Variants in RGS6 observed in about 807,000 individuals in gnomAD.
RGS6 encodes regulator of G protein signaling 6.
Under a neutral mutation model 78.5 loss-of-function variants are expected in RGS6, and 30 were observed. The observed-to-expected ratio is 0.38, with a 90% CI of 0.29 to 0.52. The LOEUF is 0.52. Ranked by LOEUF, RGS6 falls within the 20% of genes least tolerant of loss-of-function variation. The pLI is 0.85. For synonymous variants in RGS6, 206 were observed against 206.0 expected, an observed-to-expected ratio of 1.00 and a Z score of 0.00; for missense variants, 495 against 609.7, an observed-to-expected ratio of 0.81 and a Z score of 1.98.
the RGS6 span, among the ~76,000 whole-genome samples, chr14:72,580,922 A>T: frequency 6.6e-6 from 1 of 152,320 alleles, no homozygotes; most frequent in Non-Finnish European, 1.5e-5. Flanking sequence ...CCACCTTCTC[A>T]TATTGAGTCA....
chr14:72,383,197 T>TGTAC (rs2086734436), intron 3 of RGS6, among the ~76,000 whole-genome samples: 2 of 115,796 alleles, frequency 1.7e-5, no homozygotes, highest in Non-Finnish European at 3.5e-5. Flanking sequence ...TATATATATA[T>TGTAC]ATATATATAT....
chr14:71,961,352 G>A (rs181539543), intron 1 of RGS6, among the ~76,000 whole-genome samples: 4 of 152,270 alleles, frequency 2.6e-5, no homozygotes, highest in Admixed American at 2.0e-4. Flanking sequence ...TATAGCCAAT[G>A]CCCAACTGAG....
chr14:72,122,997 C>T (rs2096092411), intron 2 of RGS6, among the ~76,000 whole-genome samples: 1 of 152,162 alleles, frequency 6.6e-6, no homozygotes, highest in Admixed American at 6.6e-5. Context: ...GACAGAGTCT[C>T]ACTCTACCAC....
chr14:72,544,494 G>C (rs1436164991), intron 17 of RGS6, among the ~76,000 whole-genome samples: 1 of 152,172 alleles, frequency 6.6e-6, no homozygotes, highest in African/African-American at 2.4e-5. Flanking sequence ...GCAAGCACTG[G>C]AGGCCACGGA....
At chr14:72,594,358 C>T in the RGS6 span, 2 of 152,282 alleles carry the variant, frequency 1.3e-5, no homozygotes, top group African/African-American at 2.4e-5. Flanking sequence ...TTCCTTTAGT[C>T]GTAGACTGCA....
intron 2 of RGS6, among the ~76,000 whole-genome samples, chr14:72,280,811 A>T (rs1344984402): frequency 6.6e-6 from 1 of 152,218 alleles, no homozygotes; most frequent in Non-Finnish European, 1.5e-5. Flanking sequence ...GTTAAAGGTG[A>T]GACTGAGTCC....
At chr14:72,197,887 G>C (rs1411656064) in intron 2 of RGS6, among the ~76,000 whole-genome samples, 1 of 152,058 alleles carries the variant, frequency 6.6e-6, no homozygotes, top group Non-Finnish European at 1.5e-5. Flanking sequence ...GTCCAGGTTA[G>C]ATGCTAACCA....
intron 10 of RGS6, among the ~76,000 whole-genome samples, 174 bp from the exon 11 acceptor site, chr14:72,476,568 G>T (rs1181847764): frequency 6.6e-6 from 1 of 152,244 alleles, no homozygotes; most frequent in African/African-American, 2.4e-5. Flanking sequence ...CCAAAGATGA[G>T]ATGACATGCC....
intron 3 of RGS6, among the ~76,000 whole-genome samples, chr14:72,377,467 C>T (rs34062036): frequency 6.6e-6 from 1 of 151,910 alleles, no homozygotes; most frequent in Admixed American, 6.6e-5. Context: ...TAACACCCCA[C>T]TCTCAGCCTT....
At chr14:72,540,230 C>T (rs764387842) in intron 17 of RGS6, 136 bp downstream of exon 17, 3 of 1,535,870 alleles carry the variant, frequency 2.0e-6, no homozygotes, top group Non-Finnish European at 2.6e-6. Context: ...TCCCTCGACT[C>T]AGCCCTTTTC....
At chr14:72,604,158 C>T in the RGS6 span, among the ~76,000 whole-genome samples, 2 of 152,152 alleles carry the variant, frequency 1.3e-5, no homozygotes, top group Non-Finnish European at 2.9e-5. Flanking sequence ...AAATGGCCCT[C>T]TGTGTGTCAT....
At chr14:71,965,731 AT>A (rs1211419337) in intron 2 of RGS6, among the ~76,000 whole-genome samples, 1 of 152,184 alleles carries the variant, frequency 6.6e-6, no homozygotes, top group Non-Finnish European at 1.5e-5. Context: ...TGCTGAATGG[AT>A]TGTTATCAAG....
chr14:72,599,417 T>TTG, the RGS6 span, among the ~76,000 whole-genome samples: 2 of 127,660 alleles, frequency 1.6e-5, no homozygotes, highest in Middle Eastern at 3.4e-3. Flanking sequence ...TTTTTTTTTT[T>TTG]TTTTTTTTTG....
intron 17 of RGS6, among the ~76,000 whole-genome samples, chr14:72,545,039 G>C (rs1053784125): frequency 6.6e-6 from 1 of 152,246 alleles, no homozygotes. Context: ...CTTGCACCCT[G>C]GTGGAATGAG....
chr14:72,612,740 C>A, the RGS6 span: 1 of 391,716 alleles, frequency 2.6e-6, no homozygotes, highest in Non-Finnish European at 5.1e-6. Context: ...TTTGAAGTAC[C>A]CAACTATTGC....
At chr14:72,270,950 G>A (rs1423492774) in intron 2 of RGS6, among the ~76,000 whole-genome samples, 3 of 152,114 alleles carry the variant, frequency 2.0e-5, no homozygotes, top group Non-Finnish European at 4.4e-5. Context: ...AAGATTTATT[G>A]ACCACCTACT....
intron 2 of RGS6, among the ~76,000 whole-genome samples, chr14:72,027,981 C>T (rs371534419): frequency 6.6e-6 from 1 of 152,152 alleles, no homozygotes; most frequent in African/African-American, 2.4e-5. Context: ...ATGCCATACA[C>T]ACTCATTGTT....
At chr14:72,463,430 T>G (rs2153263673) in intron 6 of RGS6, among the ~76,000 whole-genome samples, 2 of 152,280 alleles carry the variant, frequency 1.3e-5, no homozygotes, top group Admixed American at 1.3e-4. Flanking sequence ...GTGAAAAGAT[T>G]CCTTGTGTGA....
intron 3 of RGS6, among the ~76,000 whole-genome samples, chr14:72,420,720 C>T (rs1338444839): frequency 6.6e-6 from 1 of 152,168 alleles, no homozygotes; most frequent in Non-Finnish European, 1.5e-5. Context: ...TATCCCTGAG[C>T]CCTCATTATT....
Sources: gnomAD v4.1 joint callset for allele counts (sites outside exome capture counted in the v4.1 genomes callset) on GRCh38, gnomAD v4.1.1 for gene constraint, MANE v1.5 for transcripts, NCBI Gene and HGNC (gene_info 2026-07-23, HGNC 2026-07-21) for gene names.